The following DLC1 variants were observed in gnomAD, a reference collection of about 807,000 sequenced individuals.
The protein encoded by DLC1 is rho GTPase-activating protein 7.
DLC1 carries 54 observed loss-of-function variants against 140.3 expected under a neutral mutation model. The observed-to-expected ratio is 0.38, with a 90% CI of 0.31 to 0.48. DLC1 has a LOEUF of 0.48. Among genes scored for constraint, DLC1 ranks in the 20% least tolerant of loss-of-function variants. The pLI, the probability that DLC1 is intolerant of heterozygous loss-of-function variation, is 0.96. For synonymous variants in DLC1, 986 were observed against 728.1 expected, an observed-to-expected ratio of 1.35 and a Z score of -5.70; for missense variants, 2,536 against 1,907.0, an observed-to-expected ratio of 1.33 and a Z score of -6.14.
At chr8:13,147,176 T>A (rs1184995668) in intron 5 of DLC1, among the ~76,000 whole-genome samples, 4 of 152,236 alleles carry the variant, frequency 2.6e-5, no homozygotes, top group Non-Finnish European at 5.9e-5. Flanking sequence ...ATTTAGATTC[T>A]TCCTTAGAAC....
intron 5 of DLC1, among the ~76,000 whole-genome samples, chr8:13,209,630 ATTTCT>A (rs1827841371): frequency 1.3e-5 from 2 of 151,948 alleles, no homozygotes; most frequent in African/African-American, 4.8e-5. Flanking sequence ...TTGGGGGTGG[ATTTCT>A]CATGAATGGT....
intron 4 of DLC1, among the ~76,000 whole-genome samples, chr8:13,364,026 GGT>G: frequency 6.6e-6 from 1 of 152,066 alleles, no homozygotes; most frequent in East Asian, 1.9e-4. Flanking sequence ...GAGAGGTAGG[GGT>G]GTGTGTGTAT....
At chr8:13,144,270 G>T (rs566614361) in intron 5 of DLC1, among the ~76,000 whole-genome samples, 105 of 152,264 alleles carry the variant, frequency 6.9e-4, no homozygotes, top group African/African-American at 2.3e-3. Flanking sequence ...CAGCTTCTCT[G>T]GCCTTCAGAC....
chr8:13,275,549 C>G (rs889308844), intron 5 of DLC1, among the ~76,000 whole-genome samples: 2 of 152,192 alleles, frequency 1.3e-5, no homozygotes, highest in African/African-American at 4.8e-5. Flanking sequence ...TTTTTCATAT[C>G]GTAGTGAGAT....
chr8:13,507,756 T>C (rs1802164408), intron 1 of DLC1, among the ~76,000 whole-genome samples: 1 of 152,202 alleles, frequency 6.6e-6, no homozygotes, highest in African/African-American at 2.4e-5. Context: ...TCCATGTCTT[T>C]AGGCTGTCTG....
chr8:13,493,683 A>C (rs766234295), intron 2 of DLC1, among the ~76,000 whole-genome samples: 5 of 152,106 alleles, frequency 3.3e-5, no homozygotes, highest in Non-Finnish European at 7.4e-5. Flanking sequence ...TTACATTGTA[A>C]ACTTATTTTC....
intron 4 of DLC1, among the ~76,000 whole-genome samples, chr8:13,368,906 C>G (rs1426590542): frequency 6.6e-6 from 1 of 152,148 alleles, no homozygotes; most frequent in African/African-American, 2.4e-5. Context: ...TCACTGCCAC[C>G]TCTGCCTCCT....
At chr8:13,258,047 C>T (rs1351795326) in intron 5 of DLC1, among the ~76,000 whole-genome samples, 1 of 152,222 alleles carries the variant, frequency 6.6e-6, no homozygotes, top group Non-Finnish European at 1.5e-5. Context: ...AATTAAGTAA[C>T]TACTTAAACA....
intron 5 of DLC1, among the ~76,000 whole-genome samples, chr8:13,199,780 T>C (rs896805996): frequency 1.3e-5 from 2 of 152,098 alleles, no homozygotes; most frequent in African/African-American, 4.8e-5. Flanking sequence ...AGAGCATGAG[T>C]TTGAAACTAG....
At chr8:13,269,125 A>G (rs1830815958) in intron 5 of DLC1, among the ~76,000 whole-genome samples, 1 of 151,822 alleles carries the variant, frequency 6.6e-6, no homozygotes, top group African/African-American at 2.4e-5. Context: ...TGCCCGCCTC[A>G]GCCTTCCAAA....
At chr8:13,305,213 G>A in intron 5 of DLC1, 56 bp downstream of exon 5, 4 of 1,591,344 alleles carry the variant, frequency 2.5e-6, no homozygotes, top group Non-Finnish European at 3.4e-6. Flanking sequence ...CTATTTTAAG[G>A]TGAAATTTAT....
rs986227878 is a variant in DLC1, at chr8:13,490,888, C to T, written c.1023+8161G>A. On this transcript the variant is annotated intron_variant, in intron 2 of 17. Transcript: ENST00000276297. The stretch of plus-strand genomic sequence containing the variant: ...TTCAAATCACTGATTAGATCAGAGG[C>T]CCCTCATACATCGTAACTAATTTTT... 2.0e-5 allele frequency among the ~76,000 whole-genome samples: 3 copies of T among 151,454 alleles called. No homozygotes were observed. The South Asian group carries it at 6.2e-4, about 32-fold the overall frequency.
intron 2 of DLC1, among the ~76,000 whole-genome samples, chr8:13,483,203 G>A (rs1406223412): frequency 6.6e-6 from 1 of 152,136 alleles, no homozygotes; most frequent in Non-Finnish European, 1.5e-5. Flanking sequence ...TCTGTCTCTT[G>A]TAAGGACGCT....
At chr8:13,481,552 G>A (rs1401596485) in intron 2 of DLC1, among the ~76,000 whole-genome samples, 1 of 152,270 alleles carries the variant, frequency 6.6e-6, no homozygotes, top group South Asian at 2.1e-4. Flanking sequence ...AACGTCCGTT[G>A]TTATGAAGGA....
At chr8:13,257,594 C>T (rs960568721) in intron 5 of DLC1, among the ~76,000 whole-genome samples, 6 of 151,908 alleles carry the variant, frequency 3.9e-5, no homozygotes, top group South Asian at 4.2e-4. Context: ...TGCAGATTCT[C>T]GACTAATAAA....
Position 13,507,041 on chromosome 8 carries a change from A to G in DLC1, c.-125-6845T>C, listed in dbSNP as rs1212267123. 3.9e-5 allele frequency among the ~76,000 whole-genome samples: 6 copies of G among 152,174 alleles called. No individual in the cohort carries two copies. In the East Asian group the frequency reaches 7.7e-4, roughly 20 times the overall value. ...AGAAAAGACGATCAACAACCTGGAAACAGACATGATCACAGGAGCACAACT... is the reference window on the plus strand; with the variant it reads ...AGAAAAGACGATCAACAACCTGGAAGCAGACATGATCACAGGAGCACAACT... On this transcript the variant is annotated intron_variant, in intron 1 of 17. Coordinates refer to ENST00000276297, the MANE Select transcript of DLC1 (RefSeq NM_182643.3).
rs189100786 is a variant in DLC1 at position 13,389,492 on chromosome 8, G to C, written c.1314+4061C>G. Among the ~76,000 whole-genome samples the C allele has an allele frequency of 2.6e-5, 4 of 152,144 alleles. No homozygotes were observed. In the East Asian group the frequency reaches 7.7e-4, roughly 29 times the overall value. On this transcript the variant is annotated intron_variant, in intron 4 of 17. Coordinates refer to ENST00000276297, the MANE Select transcript of DLC1 (RefSeq NM_182643.3). ...ATTTAGGAGAGAAATTGATGAGCTT[G>C]GTAACATGACACCATAAGCCTCTTC...
intron 1 of DLC1, among the ~76,000 whole-genome samples, chr8:13,565,732 T>A (rs907500737): frequency 6.6e-6 from 1 of 152,100 alleles, no homozygotes; most frequent in African/African-American, 2.4e-5. Context: ...GAAAGAAGGG[T>A]GTCTAGGCTC....
At chr8:13,535,711 A>G (rs1346053333) in intron 1 of DLC1, among the ~76,000 whole-genome samples, 6 of 150,344 alleles carry the variant, frequency 4.0e-5, no homozygotes, top group Non-Finnish European at 8.9e-5. Flanking sequence ...CCCTCCTCCA[A>G]ATTTTATTCA....
Sources: gnomAD v4.1 joint callset for allele counts (sites outside exome capture counted in the v4.1 genomes callset) on GRCh38, gnomAD v4.1.1 for gene constraint, MANE v1.5 for transcripts, NCBI Gene and HGNC (gene_info 2026-07-23, HGNC 2026-07-21) for gene names.